Variants in COA1 observed in about 807,000 individuals in gnomAD.
The protein encoded by COA1 is cytochrome c oxidase assembly factor 1.
Under a neutral mutation model 16.0 loss-of-function variants are expected in COA1, and 13 were observed. The ratio of observed to expected loss-of-function variants is 0.81; its 90% CI spans 0.53 to 1.29. COA1 has a LOEUF of 1.29. Ranked by LOEUF, COA1 falls within the 50% of genes most tolerant of loss-of-function variation. The pLI is 0.00. For synonymous variants in COA1, 65 were observed against 65.7 expected (o/e 0.99, Z 0.05); for missense variants, 179 against 177.0 (o/e 1.01, Z -0.06).
At chr7:43,622,721 GAC>G (rs2084043325) in intron 6 of COA1, 4 of 148,828 alleles carry the variant, frequency 2.7e-5, no homozygotes, top group African/African-American at 7.5e-5. Context: ...TTTTTTGTGA[GAC>G]ACAGTCTCAC....
At chr7:43,720,525 TA>T (rs1172733593) in intron 1 of COA1, among the ~76,000 whole-genome samples, 1 of 152,200 alleles carries the variant, frequency 6.6e-6, no homozygotes, top group Non-Finnish European at 1.5e-5. Context: ...TTACATTTTT[TA>T]AAAATGGCTG....
At chr7:43,608,990 A>G (rs1279794878) in exon 7 of COA1, 1 of 152,356 alleles carries the variant, frequency 6.6e-6, no homozygotes, top group Non-Finnish European at 1.5e-5. Context: ...AGAGGAAGGA[A>G]AGAAAAACAA....
In COA1 at chr7:43,613,621, C is replaced by A. The variant is rs115837645; in HGVS notation, c.*134-4126G>T. Among the ~76,000 whole-genome samples the A allele has an allele frequency of 3.2e-3, 493 of 152,156 alleles. 1 individual carries two copies. Among genetic ancestry groups the A allele is most frequent in the African/African-American group, 0.011 (463 of 41,540 alleles). ...ACTTTGGGAGGCTGAGGTAGAAGGA[C>A]CACATGAGCCCAGGAGTTTGAGACC... On this transcript the variant is annotated intron_variant and NMD_transcript_variant, in intron 6 of 6. Coordinates refer to the COA1 transcript ENST00000415076.
At chr7:43,680,647 C>A (rs527802956) in intron 1 of COA1, among the ~76,000 whole-genome samples, 1 of 152,138 alleles carries the variant, frequency 6.6e-6, no homozygotes, top group Non-Finnish European at 1.5e-5. Flanking sequence ...AATAAGCCTA[C>A]GCTGTGGAAC....
At chr7:43,641,329 A>AG (rs1276168793) in intron 4 of COA1, 31 of 151,802 alleles carry the variant, frequency 2.0e-4, no homozygotes, top group Admixed American at 5.9e-4. Flanking sequence ...AAAAAAAAAA[A>AG]AAAACCAGGA....
chr7:43,725,102 G>A (rs778498508), intron 1 of COA1, among the ~76,000 whole-genome samples: 1 of 152,190 alleles, frequency 6.6e-6, no homozygotes, highest in Admixed American at 6.5e-5. Context: ...GCTAGGTGTG[G>A]TGGCGCATGC....
exon 7 of COA1, chr7:43,609,314 C>A (rs566053093): frequency 6.6e-6 from 1 of 152,318 alleles, no homozygotes; most frequent in Non-Finnish European, 1.5e-5. Flanking sequence ...TCTGATTACA[C>A]CAGCGTAGAT....
rs573192317 is a variant in COA1, at chr7:43,648,467, G to A, written c.15+133C>T. On this transcript the variant is annotated intron_variant, in intron 2 of 5. Transcript: ENST00000223336. ...AGAAAATGCCCATCCCTCCTGTGAA[G>A]TTAAAGCACAAGTGAACCCTAAAGA... 6 of 941,074 alleles carry A rather than the reference G, an allele frequency of 6.4e-6. No individual in the cohort carries two copies. In the African/African-American group the frequency reaches 6.5e-5, roughly 10 times the overall value. The allele number at this position is 941,074 out of a possible 1,614,324, so 58.3% of individuals were successfully genotyped here.
chr7:43,682,199 C>T (rs114112696), intron 1 of COA1, among the ~76,000 whole-genome samples: 1,689 of 152,288 alleles, frequency 0.011, 28 homozygotes, highest in African/African-American at 0.037. Flanking sequence ...CCACGTTAAT[C>T]TCCTGTTTTA....
intron 6 of COA1, among the ~76,000 whole-genome samples, chr7:43,627,920 A>G (rs2084744546): frequency 6.6e-6 from 1 of 152,232 alleles, no homozygotes; most frequent in South Asian, 2.1e-4. Context: ...GTAACTCAGC[A>G]TGATGTCTTT....
chr7:43,715,834 T>A (rs1054989368), intron 1 of COA1, among the ~76,000 whole-genome samples: 2 of 152,172 alleles, frequency 1.3e-5, no homozygotes, highest in Non-Finnish European at 2.9e-5. Context: ...ACTCCCATAA[T>A]TCCCACGTGT....
intron 1 of COA1, among the ~76,000 whole-genome samples, chr7:43,691,192 T>A (rs1157300165): frequency 6.8e-6 from 1 of 147,728 alleles, no homozygotes; most frequent in Non-Finnish European, 1.5e-5. Context: ...GGGGCTGCAG[T>A]GAGCGATAAT....
intron 1 of COA1, among the ~76,000 whole-genome samples, chr7:43,708,716 C>G (rs1335334513): frequency 6.6e-6 from 1 of 152,080 alleles, no homozygotes; most frequent in Non-Finnish European, 1.5e-5. Context: ...CTCTCTTACC[C>G]ATTATTCTAT....
intron 1 of COA1, among the ~76,000 whole-genome samples, chr7:43,662,855 C>T (rs925505363): frequency 6.6e-6 from 1 of 152,194 alleles, no homozygotes; most frequent in Admixed American, 6.5e-5. Context: ...TCTAAGGAAC[C>T]AAGAGACCCA....
chr7:43,723,452 A>G (rs2095549945), intron 1 of COA1, among the ~76,000 whole-genome samples: 1 of 152,242 alleles, frequency 6.6e-6, no homozygotes. Context: ...CTTGCCTGTC[A>G]GAAGCAGCAA....
At chr7:43,672,020 T>A (rs1563325210) in intron 1 of COA1, among the ~76,000 whole-genome samples, 2 of 152,082 alleles carry the variant, frequency 1.3e-5, no homozygotes. Flanking sequence ...ACTAATACAC[T>A]ATGCATCCAA....
intron 1 of COA1, among the ~76,000 whole-genome samples, chr7:43,695,612 T>TG (rs1216078155): frequency 1.3e-5 from 2 of 152,062 alleles, no homozygotes; most frequent in African/African-American, 4.8e-5. Context: ...AATGAATGAA[T>TG]AGTGCTTACA....
At chr7:43,700,448 G>A (rs921626823) in intron 1 of COA1, among the ~76,000 whole-genome samples, 2 of 151,172 alleles carry the variant, frequency 1.3e-5, no homozygotes, top group Admixed American at 6.6e-5. Flanking sequence ...GACTCATTCC[G>A]GCCTGAGATT....
At chr7:43,624,878 T>C (rs15866) in intron 6 of COA1, 721,707 of 1,519,036 alleles carry the variant, frequency 0.48, 179,036 homozygotes, top group African/African-American at 0.8. Flanking sequence ...GATTTCTACA[T>C]TGAAAATGTT....
Sources: gnomAD v4.1 joint callset for allele counts (sites outside exome capture counted in the v4.1 genomes callset) on GRCh38, gnomAD v4.1.1 for gene constraint, MANE v1.5 for transcripts, NCBI Gene and HGNC (gene_info 2026-07-23, HGNC 2026-07-21) for gene names.